DLGAP1: variants seen among roughly 807,000 people sequenced by gnomAD.
The protein encoded by DLGAP1 is DLG associated protein 1, also known as disks large-associated protein 1.
DLGAP1 carries 11 observed loss-of-function variants against 90.8 expected under a neutral mutation model. The observed-to-expected ratio is 0.12, with a 90% CI of 0.08 to 0.20. DLGAP1 has a LOEUF of 0.20. Among genes scored for constraint, DLGAP1 ranks in the 10% least tolerant of loss-of-function variants. DLGAP1 has a pLI of 1.00. For synonymous variants in DLGAP1, 558 were observed against 540.7 expected (o/e 1.03, Z -0.44); for missense variants, 1,050 against 1,333.8 (o/e 0.79, Z 3.31).
chr18:3,876,521 G>C (rs1252262451), intron 4 of DLGAP1, among the ~76,000 whole-genome samples: 1 of 152,118 alleles, frequency 6.6e-6, no homozygotes, highest in Non-Finnish European at 1.5e-5. Flanking sequence ...TCCCAATGTA[G>C]GACAGAATAT....
intron 10 of DLGAP1, among the ~76,000 whole-genome samples, chr18:3,531,664 C>T (rs114386874): frequency 0.021 from 3,230 of 151,198 alleles, 83 homozygotes; most frequent in East Asian, 0.084. Flanking sequence ...TGTATTTTTA[C>T]GAGAGATGGG....
At chr18:3,836,652 G>A (rs185828872) in intron 4 of DLGAP1, among the ~76,000 whole-genome samples, 3 of 152,212 alleles carry the variant, frequency 2.0e-5, no homozygotes, top group East Asian at 1.9e-4. Context: ...TGAGGTAGCC[G>A]CTGACCTAAA....
intron 1 of DLGAP1, among the ~76,000 whole-genome samples, chr18:4,377,636 T>C (rs2082040844): frequency 6.6e-6 from 1 of 152,190 alleles, no homozygotes; most frequent in Non-Finnish European, 1.5e-5. Flanking sequence ...TTATGACATG[T>C]AAATTATTAC....
chr18:4,433,534 G>A (rs1343447871), intron 1 of DLGAP1, among the ~76,000 whole-genome samples: 1 of 152,146 alleles, frequency 6.6e-6, no homozygotes, highest in African/African-American at 2.4e-5. Context: ...TAATTCACTT[G>A]TTCATCTAAT....
rs143378851 is a variant in DLGAP1 at position 4,111,950 on chromosome 18, CATA to C, written c.-159+39227_-159+39229del. ...TTTTATTTATTCTGTAATAAAATAA[CATA>C]ATAATAATAATTATTATTTATATTT... On this transcript the variant is annotated intron_variant, in intron 2 of 12. Transcript: ENST00000315677. Among the ~76,000 whole-genome samples the C allele has an allele frequency of 4.2e-3, 632 of 150,746 alleles. 2 individuals are homozygous for C. The highest frequency in any genetic ancestry group is 0.014 in the African/African-American group (587 of 41,350).
chr18:4,277,890 C>G (rs1042750333), intron 1 of DLGAP1, among the ~76,000 whole-genome samples: 1 of 152,152 alleles, frequency 6.6e-6, no homozygotes, highest in African/African-American at 2.4e-5. Flanking sequence ...AATACAATGT[C>G]TGCTCCACTC....
At chr18:3,691,631 G>T (rs536804353) in intron 7 of DLGAP1, among the ~76,000 whole-genome samples, 7 of 152,180 alleles carry the variant, frequency 4.6e-5, no homozygotes, top group African/African-American at 1.7e-4. Flanking sequence ...AATTGAGGAG[G>T]CCAGGAACAG....
intron 2 of DLGAP1, among the ~76,000 whole-genome samples, chr18:4,108,342 T>C (rs955431636): frequency 6.6e-6 from 1 of 152,204 alleles, no homozygotes; most frequent in Non-Finnish European, 1.5e-5. Context: ...ACTGTGTGAC[T>C]GTCAATACAA....
At chr18:3,545,167 T>C (rs1019822785) in intron 9 of DLGAP1, among the ~76,000 whole-genome samples, 1 of 151,714 alleles carries the variant, frequency 6.6e-6, no homozygotes, top group African/African-American at 2.4e-5. Flanking sequence ...CCAGCTACTC[T>C]GGAGGCCAAG....
intron 3 of DLGAP1, among the ~76,000 whole-genome samples, chr18:3,914,260 G>A (rs1030702207): frequency 6.6e-6 from 1 of 151,966 alleles, no homozygotes; most frequent in Non-Finnish European, 1.5e-5. Context: ...CTGCTTCTAC[G>A]AGCTCCAGTC....
chr18:3,988,098 C>A (rs1179862924), intron 3 of DLGAP1, among the ~76,000 whole-genome samples: 5 of 151,998 alleles, frequency 3.3e-5, no homozygotes, highest in Non-Finnish European at 4.4e-5. Flanking sequence ...TTTCCTGCAA[C>A]TAGATGGTCC....
intron 4 of DLGAP1, among the ~76,000 whole-genome samples, chr18:3,817,673 A>T (rs965221025): frequency 6.6e-6 from 1 of 152,202 alleles, no homozygotes; most frequent in African/African-American, 2.4e-5. Context: ...TTGCTTAGGT[A>T]GATAGTTTTA....
At chr18:4,352,647 C>G (rs1390345068) in intron 1 of DLGAP1, among the ~76,000 whole-genome samples, 3 of 152,068 alleles carry the variant, frequency 2.0e-5, no homozygotes, top group Admixed American at 2.0e-4. Flanking sequence ...GACAACTTGT[C>G]TTTTCCATAA....
intron 1 of DLGAP1, among the ~76,000 whole-genome samples, chr18:4,289,892 A>G (rs757104703): frequency 2.6e-5 from 4 of 152,164 alleles, no homozygotes; most frequent in Non-Finnish European, 5.9e-5. Context: ...TTATGCACCC[A>G]ATTACAACAT....
At chr18:3,906,267 G>C (rs1179332173) in intron 3 of DLGAP1, among the ~76,000 whole-genome samples, 1 of 152,170 alleles carries the variant, frequency 6.6e-6, no homozygotes, top group Non-Finnish European at 1.5e-5. Context: ...CTTCTGCTTT[G>C]TCCTTTGCCC....
chr18:3,840,258 T>TA (rs1307683565), intron 4 of DLGAP1, among the ~76,000 whole-genome samples: 1 of 152,168 alleles, frequency 6.6e-6, no homozygotes, highest in South Asian at 2.1e-4. Context: ...CCCAGTGGCT[T>TA]AAAAAATCTC....
At chr18:3,913,107 T>C (rs1350086331) in intron 3 of DLGAP1, among the ~76,000 whole-genome samples, 2 of 152,132 alleles carry the variant, frequency 1.3e-5, no homozygotes, top group Non-Finnish European at 2.9e-5. Context: ...AGATACTTTG[T>C]TTTTTGTTTT....
chr18:3,799,979 CT>C (rs1447644773), intron 5 of DLGAP1, among the ~76,000 whole-genome samples: 3 of 152,138 alleles, frequency 2.0e-5, no homozygotes, highest in Non-Finnish European at 4.4e-5. Context: ...AATATTACCA[CT>C]GCTGTAAGTT....
At chr18:3,511,776 G>T (rs1281525091) in intron 10 of DLGAP1, among the ~76,000 whole-genome samples, 1 of 152,072 alleles carries the variant, frequency 6.6e-6, no homozygotes, top group Non-Finnish European at 1.5e-5. Flanking sequence ...ATGAAATGAA[G>T]CCCTACAGAT....
Sources: gnomAD v4.1 joint callset for allele counts (sites outside exome capture counted in the v4.1 genomes callset) on GRCh38, gnomAD v4.1.1 for gene constraint, MANE v1.5 for transcripts, NCBI Gene and HGNC (gene_info 2026-07-23, HGNC 2026-07-21) for gene names.